The following COL11A1 variants were observed in gnomAD, a reference collection of about 807,000 sequenced individuals.
COL11A1 encodes the protein collagen alpha-1(XI) chain.
A neutral mutation model predicts 265.2 loss-of-function variants in COL11A1; 74 were observed. That is an observed-to-expected ratio of 0.28 (90% CI 0.23 to 0.34). The LOEUF is 0.34. COL11A1 is among the 10% of genes least tolerant of loss of function. The pLI, the probability that COL11A1 is intolerant of heterozygous loss-of-function variation, is 1.00. For missense variants in COL11A1, 2,165 were observed against 2,263.6 expected, an observed-to-expected ratio of 0.96 and a Z score of 0.88; for synonymous variants, 816 against 727.6, an observed-to-expected ratio of 1.12 and a Z score of -1.96.
chr1:103,088,309 C>T (rs1009004264), intron 1 of COL11A1, among the ~76,000 whole-genome samples: 1 of 152,020 alleles, frequency 6.6e-6, no homozygotes, highest in African/African-American at 2.4e-5. Flanking sequence ...GTTTCTATAT[C>T]AGTACAATGA....
chr1:103,030,888 A>G, intron 5 of COL11A1: 1 of 516,304 alleles, frequency 1.9e-6, no homozygotes, highest in Non-Finnish European at 3.5e-6. Context: ...CACAGTATAC[A>G]AGTGAAGCAC....
intron 4 of COL11A1, among the ~76,000 whole-genome samples, chr1:103,050,296 A>C (rs1317347968): frequency 6.6e-6 from 1 of 151,990 alleles, no homozygotes; most frequent in Non-Finnish European, 1.5e-5. Flanking sequence ...GGCTTTGTTC[A>C]TTTCTTTTTA....
chr1:103,089,510 A>G (rs1263570568), intron 1 of COL11A1, among the ~76,000 whole-genome samples: 1 of 152,008 alleles, frequency 6.6e-6, no homozygotes, highest in Non-Finnish European at 1.5e-5. Context: ...ATCAGCTAAT[A>G]TTTTTCTCTC....
At chr1:102,939,135 G>A (rs770140460) in intron 43 of COL11A1, 47 bp from the exon 44 acceptor site, 2 of 1,480,810 alleles carry the variant, frequency 1.4e-6, no homozygotes, top group Admixed American at 1.7e-5. Context: ...ACATGCTATT[G>A]CATTGTCTTA....
intron 1 of COL11A1, among the ~76,000 whole-genome samples, chr1:103,085,363 T>C (rs938015866): frequency 5.9e-5 from 9 of 152,240 alleles, no homozygotes; most frequent in African/African-American, 2.2e-4. Flanking sequence ...CACCATCTCA[T>C]GGTAGGGCAC....
rs528248081 is a variant in COL11A1 at position 103,047,176 on chromosome 1, G to T, written c.652-15932C>A. Among the ~76,000 whole-genome samples, 12 of 152,248 alleles carry T rather than the reference G, an allele frequency of 7.9e-5. No individual in the cohort carries two copies. In the South Asian group the frequency reaches 2.3e-3, roughly 29 times the overall value. The stretch of plus-strand genomic sequence containing the variant: ...TTGGTAGCCCAATGGGGACGGCATT[G>T]AATCTGTAAATTACCTTGGGCAGTA... On this transcript the variant is annotated intron_variant, in intron 4 of 66. Coordinates refer to ENST00000370096, the MANE Select transcript of COL11A1 (RefSeq NM_001854.4).
In COL11A1 at chr1:103,019,498, AT is replaced by A. The variant is rs149526881; in HGVS notation, c.1309-640del. 2.5e-3 allele frequency among the ~76,000 whole-genome samples: 383 copies of A among 152,298 alleles called. 1 individual carries two copies. The highest frequency in any genetic ancestry group is 4.4e-3 in the Non-Finnish European group (300 of 68,020). On this transcript the variant is annotated intron_variant, in intron 9 of 66. Coordinates refer to ENST00000370096, the MANE Select transcript of COL11A1 (RefSeq NM_001854.4). ...TAAGGACTGATTCATTCTGAAAAAAATATTTTCAACACTTTTTGTGAGCATG... is the reference window on the plus strand; with the variant it reads ...TAAGGACTGATTCATTCTGAAAAAAAATTTTCAACACTTTTTGTGAGCATG...
rs190734931 is a variant in COL11A1, at chr1:102,933,799, G to A, written c.3600+650C>T. On this transcript the variant is annotated intron_variant, in intron 46 of 66. Coordinates refer to ENST00000370096, the MANE Select transcript of COL11A1 (RefSeq NM_001854.4). Reference sequence around the variant, plus strand: ...GCCGGATATAATCTCGTGGTGCGCCGTTTTTTAAGCCGGTCGGAAAAGTGC... The same window carrying A: ...GCCGGATATAATCTCGTGGTGCGCCATTTTTTAAGCCGGTCGGAAAAGTGC... Among the ~76,000 whole-genome samples, 459 of 152,326 alleles carry A rather than the reference G, an allele frequency of 3.0e-3. 1 individual carries two copies. The highest frequency in any genetic ancestry group is 0.011 in the African/African-American group (443 of 41,574).
Position 102,940,251 on chromosome 1 carries a change from A to T in COL11A1, c.3384+76T>A, listed in dbSNP as rs1313315168. ...TTTCACCTGGCGCCTAATCATAAAG[A>T]TTAGAATTATCTAGAATTCTTGACA... On this transcript the variant is annotated intron_variant, in intron 43 of 66. Coordinates refer to ENST00000370096, the MANE Select transcript of COL11A1 (RefSeq NM_001854.4). 3.3e-6 allele frequency: 4 copies of T among 1,207,360 alleles called. No homozygotes were observed. In the East Asian group the frequency reaches 9.3e-5, roughly 28 times the overall value. The allele number at this position is 1,207,360 out of a possible 1,614,324, so 74.8% of individuals were successfully genotyped here.
intron 28 of COL11A1, among the ~76,000 whole-genome samples, chr1:102,991,869 T>C (rs1263220525): frequency 6.6e-6 from 1 of 151,570 alleles, no homozygotes; most frequent in Non-Finnish European, 1.5e-5. Flanking sequence ...AGTCATGCCA[T>C]TTTCACCATC....
intron 48 of COL11A1, among the ~76,000 whole-genome samples, chr1:102,920,767 A>C (rs925276663): frequency 8.5e-5 from 13 of 152,188 alleles, no homozygotes; most frequent in Non-Finnish European, 1.6e-4. Context: ...TTAGCTTTTA[A>C]ATTACCTAAG....
chr1:102,948,593 G>C (rs1437861390), intron 41 of COL11A1, among the ~76,000 whole-genome samples: 3 of 151,868 alleles, frequency 2.0e-5, no homozygotes, highest in African/African-American at 7.2e-5. Flanking sequence ...AACTAATCTA[G>C]GGAATATTCT....
In COL11A1 at chr1:102,997,203, A is replaced by G. The variant is rs1038438749; in HGVS notation, c.2197-79T>C. 4.8e-6 allele frequency: 6 copies of G among 1,258,564 alleles called. No individual in the cohort carries two copies. In the African/African-American group the frequency reaches 7.4e-5, roughly 15 times the overall value. The allele number at this position is 1,258,564 out of a possible 1,614,324, so 78.0% of individuals were successfully genotyped here. On this transcript the variant is annotated intron_variant, in intron 25 of 66. Transcript: ENST00000370096. ...ATACTACGAAAGTATTTCTTTTGTT[A>G]TTAAATCTACTAAGATCTTACTCTT...
At chr1:103,074,144 A>G (rs1007734549) in intron 4 of COL11A1, among the ~76,000 whole-genome samples, 1 of 151,210 alleles carries the variant, frequency 6.6e-6, no homozygotes, top group Non-Finnish European at 1.5e-5. Context: ...CATGATCTTT[A>G]CATATTTTTT....
chr1:103,056,138 T>A (rs187247748), intron 4 of COL11A1, among the ~76,000 whole-genome samples: 2 of 152,284 alleles, frequency 1.3e-5, no homozygotes, highest in Admixed American at 1.3e-4. Context: ...AGAACAACTG[T>A]TGTCTGCCTA....
At chr1:103,055,275 C>A (rs1228195805) in intron 4 of COL11A1, among the ~76,000 whole-genome samples, 1 of 152,176 alleles carries the variant, frequency 6.6e-6, no homozygotes, top group African/African-American at 2.4e-5. Context: ...TTACCTTCAT[C>A]TTTTATTTCT....
At chr1:102,934,422 G>A (rs749636154) in intron 46 of COL11A1, 27 bp downstream of exon 46, 6 of 1,474,198 alleles carry the variant, frequency 4.1e-6, no homozygotes, top group Middle Eastern at 1.7e-4. Context: ...AGAAATGATG[G>A]AGTAAACAAT....
At chr1:102,972,394 A>G (rs1048012958) in intron 36 of COL11A1, among the ~76,000 whole-genome samples, 1 of 152,174 alleles carries the variant, frequency 6.6e-6, no homozygotes, top group Non-Finnish European at 1.5e-5. Context: ...CTTAGGTCTA[A>G]GCGATCACAT....
rs1459285621 is a variant in COL11A1 at position 102,958,710 on chromosome 1, A to G, written c.3168+3156T>C. Among the ~76,000 whole-genome samples the G allele has an allele frequency of 3.3e-5, 5 of 152,350 alleles. No homozygotes were observed. In the East Asian group the frequency reaches 5.8e-4, roughly 18 times the overall value. ...ATGTTTGCATATTTGATTTGCAAAT[A>G]TAAGAATGGTTATTAATTTCAAATA... On this transcript the variant is annotated intron_variant, in intron 41 of 66. Transcript: ENST00000370096.
Sources: allele counts gnomAD v4.1 joint callset (sites outside exome capture counted in the v4.1 genomes callset), GRCh38; gene constraint gnomAD v4.1.1; transcripts MANE v1.5; gene names NCBI Gene and HGNC (gene_info 2026-07-23, HGNC 2026-07-21).